DRP2: variants seen among roughly 807,000 people sequenced by gnomAD.
DRP2 encodes dystrophin-related protein 2.
DRP2 carries 29 observed loss-of-function variants against 78.2 expected under a neutral mutation model. The observed-to-expected ratio is 0.37, with a 90% CI of 0.28 to 0.51. The LOEUF is 0.51. DRP2 is among the 20% of genes least tolerant of loss of function. The pLI, the probability that DRP2 is intolerant of heterozygous loss-of-function variation, is 0.94. For synonymous variants in DRP2, 290 were observed against 281.9 expected, an observed-to-expected ratio of 1.03 and a Z score of -0.29; for missense variants, 686 against 770.6, an observed-to-expected ratio of 0.89 and a Z score of 1.30.
rs6523469 is a variant in DRP2 at position 101,255,448 on chromosome X, A to G, written c.2246+199A>G. ...TTCCCTCTATCAATCAACCTAGGAA[A>G]TGAGTGATGTACTAGCTCTCTGCCA... On this transcript the variant is annotated intron_variant, in intron 20 of 23. Coordinates refer to ENST00000395209, the MANE Select transcript of DRP2 (RefSeq NM_001939.3). Among the ~76,000 whole-genome samples, 4,527 of 111,016 alleles carry G rather than the reference A, an allele frequency of 0.041. 258 individuals are homozygous for G. The highest frequency in any genetic ancestry group is 0.14 in the African/African-American group (4,302 of 30,394).
chrX:101,231,525 T>A, intron 2 of DRP2, 60 bp from the exon 3 acceptor site: 3 of 644,412 alleles, frequency 4.7e-6, no homozygotes, highest in Non-Finnish European at 7.9e-6. Context: ...TCTGGGTAGA[T>A]GCTTGATTCA....
intron 21 of DRP2, among the ~76,000 whole-genome samples, chrX:101,257,175 C>A (rs1923370124): frequency 9.1e-6 from 1 of 109,485 alleles, no homozygotes. Flanking sequence ...ATTCGTAGTA[C>A]CCCTTAGAGC....
chrX:101,233,982 C>T (rs57687317), intron 3 of DRP2, among the ~76,000 whole-genome samples: 82 of 111,914 alleles, frequency 7.3e-4, no homozygotes, highest in African/African-American at 2.4e-3. Flanking sequence ...TAGACTCTGA[C>T]GAATCTCCTG....
chrX:101,225,701 G>A (rs1162869061), intron 2 of DRP2, among the ~76,000 whole-genome samples: 1 of 111,093 alleles, frequency 9.0e-6, no homozygotes, highest in African/African-American at 3.3e-5. Context: ...GAGCGGAGAG[G>A]GGGCGAAGAA....
chrX:101,236,162 G>A, intron 4 of DRP2, 139 bp downstream of exon 4: 2 of 639,186 alleles, frequency 3.1e-6, no homozygotes, highest in Non-Finnish European at 4.8e-6. Context: ...ACTGGCACTG[G>A]GGAAACAGCC....
rs756971867 is a variant in DRP2 at position 101,260,062 on chromosome X, C to T, written c.2642C>T (p.Ser881Leu). Reference sequence around the variant, plus strand: ...ACCTCTTGCTAGCCACCCACCGAATCAGATGGCAGTGGCTCTGCAGGCTCG... The same window carrying T: ...ACCTCTTGCTAGCCACCCACCGAATTAGATGGCAGTGGCTCTGCAGGCTCG... ...RELLLQPPTE[S>L]DGSGSAGSSL... Residue 881 changes from serine (S) to leucine (L), a missense_variant, in exon 23 of 24, where the codon TCA becomes TTA. Around this residue, in one of 2 missense-constraint regions of DRP2, gnomAD observed 423 missense variants for 531.5 expected, o/e 0.80. Transcript: ENST00000395209. 3 of 1,211,632 alleles carry T rather than the reference C, an allele frequency of 2.5e-6. No homozygotes were observed. Among genetic ancestry groups the T allele is most frequent in the Non-Finnish European group, 3.4e-6 (3 of 895,423 alleles).
rs1442918101 is a variant in DRP2, at chrX:101,227,753, A to C, written c.-64+3047A>C. On this transcript the variant is annotated intron_variant, in intron 2 of 23. Transcript: ENST00000395209. ...AAAAAGAGCAGAGGATAGTCATTTT[A>C]GGACCAGAAGAAATCTATTCCTTTT... is the stretch of plus-strand genomic sequence containing the variant. Among the ~76,000 whole-genome samples the C allele has an allele frequency of 1.4e-4, 16 of 112,273 alleles. 1 individual carries two copies. The Admixed American group carries it at 1.5e-3, about 11-fold the overall frequency.
At chrX:101,248,665 G>A (rs1923021933) in intron 14 of DRP2, 66 bp downstream of exon 14, 1 of 997,170 alleles carries the variant, frequency 1.0e-6, no homozygotes, top group Non-Finnish European at 1.4e-6. Context: ...GGAGGAGGAA[G>A]GGTGTAAGAT....
At chrX:101,243,159 G>A (rs1922794484) in intron 9 of DRP2, 177 bp downstream of exon 9, 4 of 366,975 alleles carry the variant, frequency 1.1e-5, no homozygotes, top group Admixed American at 4.6e-5. Flanking sequence ...GGGCGTGGTG[G>A]CTCACACCTG....
In DRP2 at chrX:101,263,706, T is replaced by C. The variant is rs1041926491; in HGVS notation, c.*3085T>C. On this transcript the variant is annotated 3_prime_UTR_variant, in exon 24 of 24. Transcript: ENST00000395209. The stretch of plus-strand genomic sequence containing the variant: ...TTTCAAGTGCTCATTTTCTTCAAGG[T>C]CCAAGGTTGGGAACTATTTCCCTAC... 8.9e-6 allele frequency: 1 copy of C among 111,853 alleles called. No individual in the cohort carries two copies. Among genetic ancestry groups the C allele is most frequent in the African/African-American group, 3.3e-5 (1 of 30,736 alleles). The allele number at this position is 111,853 out of a possible 1,213,427, so 9.2% of individuals were successfully genotyped here.
intron 17 of DRP2, among the ~76,000 whole-genome samples, chrX:101,253,500 C>CTTT (rs67849810): frequency 0.36 from 27,255 of 74,683 alleles, 4,153 homozygotes; most frequent in Non-Finnish European, 0.39. Flanking sequence ...GTCTATTTTT[C>CTTT]TTTTTTTTTT....
At chrX:101,227,597 G>T (rs779755985) in intron 2 of DRP2, among the ~76,000 whole-genome samples, 1 of 111,775 alleles carries the variant, frequency 8.9e-6, no homozygotes, top group Admixed American at 9.5e-5. Context: ...GACTACAAAG[G>T]CATGCTATAT....
chrX:101,257,791 TC>T (rs1290991543), intron 21 of DRP2, among the ~76,000 whole-genome samples: 1 of 111,699 alleles, frequency 9.0e-6, no homozygotes, highest in Non-Finnish European at 1.9e-5. Flanking sequence ...AAAAGTGATA[TC>T]CCCAAAAGTA....
intron 9 of DRP2, among the ~76,000 whole-genome samples, chrX:101,244,463 G>C (rs919581912): frequency 8.9e-6 from 1 of 111,814 alleles, no homozygotes; most frequent in Non-Finnish European, 1.9e-5. Context: ...CAGTGAGCAA[G>C]CTGGCCATGT....
chrX:101,245,539 A>G (rs921042865), intron 11 of DRP2, 90 bp downstream of exon 11: 3 of 724,424 alleles, frequency 4.1e-6, no homozygotes, highest in Non-Finnish European at 6.1e-6. Flanking sequence ...GATAAAGAAA[A>G]TGTGGTATAT....
intron 5 of DRP2, among the ~76,000 whole-genome samples, chrX:101,238,061 A>G (rs931418628): frequency 2.1e-4 from 24 of 111,946 alleles, no homozygotes; most frequent in Non-Finnish European, 4.3e-4. Context: ...AGGATACAAA[A>G]CTAAGTGCAA....
rs762868899 is a variant in DRP2 at position 101,237,803 on chromosome X, G to A, written c.438+28G>A. 3 of 1,086,842 alleles carry A rather than the reference G, an allele frequency of 2.8e-6. No individual in the cohort carries two copies. In the South Asian group the frequency reaches 9.0e-5, roughly 33 times the overall value. 89.6% of individuals were successfully genotyped at this position (1,086,842 alleles called of 1,213,427 possible). ...AGGTTAGAATCAGAGAAGCCGTGGT[G>A]TGTAGCCTCTCAGCTGGGGAGGAAT... On this transcript the variant is annotated intron_variant, in intron 5 of 23. Transcript: ENST00000395209.
chrX:101,243,062 T>G, intron 9 of DRP2, 80 bp downstream of exon 9: 3 of 912,669 alleles, frequency 3.3e-6, no homozygotes, highest in Non-Finnish European at 4.8e-6. Context: ...CCTGGGGCCC[T>G]GGTGGGAGCC....
intron 9 of DRP2, among the ~76,000 whole-genome samples, chrX:101,243,416 A>C (rs1389622793): frequency 5.3e-5 from 4 of 75,688 alleles, no homozygotes; most frequent in South Asian, 4.9e-4. Context: ...AAAAAAAAAA[A>C]CACAATCTCT....
Sources: gnomAD v4.1 joint callset for allele counts (sites outside exome capture counted in the v4.1 genomes callset) on GRCh38, gnomAD v4.1.1 for gene constraint, gnomAD v4.1.1 regional missense constraint, MANE v1.5 for transcripts, NCBI Gene and HGNC (gene_info 2026-07-23, HGNC 2026-07-21) for gene names.